NAALADL2: variants seen among roughly 807,000 people sequenced by gnomAD.
NAALADL2 encodes N-acetylated alpha-linked acidic dipeptidase like 2.
A neutral mutation model predicts 87.2 loss-of-function variants in NAALADL2; 76 were observed. That is an observed-to-expected ratio of 0.87 (90% CI 0.72 to 1.05). The LOEUF is 1.05. NAALADL2 is among the 50% of genes least tolerant of loss of function. The probability of loss-of-function intolerance (pLI) is 0.00; values close to 1 mark genes in which losing one functional copy is unlikely to be tolerated. For synonymous variants in NAALADL2, 354 were observed against 331.0 expected (o/e 1.07, Z -0.75); for missense variants, 1,089 against 945.8 (o/e 1.15, Z -1.99).
At chr3:174,686,784 A>C (rs1728084231) in intron 2 of NAALADL2, among the ~76,000 whole-genome samples, 1 of 152,118 alleles carries the variant, frequency 6.6e-6, no homozygotes, top group Admixed American at 6.6e-5. Context: ...CATGTGCCAG[A>C]ATCAACTCAA....
At chr3:174,963,623 G>T (rs2108571782) in intron 1 of NAALADL2, among the ~76,000 whole-genome samples, 2 of 152,214 alleles carry the variant, frequency 1.3e-5, no homozygotes, top group South Asian at 4.1e-4. Context: ...TTTGTTTCAT[G>T]CCTGTGTCCG....
chr3:175,763,083 C>CAAATAAATAAATAAATAAATAAATAAAT (rs34773320), intron 13 of NAALADL2, among the ~76,000 whole-genome samples: 1 of 148,720 alleles, frequency 6.7e-6, no homozygotes, highest in African/African-American at 2.5e-5. Context: ...GACTCTGACT[C>CAAATAAATAAATAAATAAATAAATAAAT]AAATAAATAA....
intron 11 of NAALADL2, among the ~76,000 whole-genome samples, chr3:175,709,471 A>T (rs1295010493): frequency 6.6e-6 from 1 of 152,134 alleles, no homozygotes; most frequent in Non-Finnish European, 1.5e-5. Context: ...TACTTTGTTT[A>T]CAAAGTATAA....
At chr3:175,283,617 A>G (rs574326713) in intron 4 of NAALADL2, among the ~76,000 whole-genome samples, 2 of 152,240 alleles carry the variant, frequency 1.3e-5, no homozygotes, top group African/African-American at 4.8e-5. Flanking sequence ...TGAATTCAAC[A>G]TAAAGTTATG....
intron 1 of NAALADL2, among the ~76,000 whole-genome samples, chr3:174,924,523 C>T (rs1277212998): frequency 1.3e-5 from 2 of 152,054 alleles, no homozygotes; most frequent in Admixed American, 1.3e-4. Context: ...AATAAACATA[C>T]ATGTGCATGT....
chr3:175,530,922 G>A (rs2149443899), intron 9 of NAALADL2, among the ~76,000 whole-genome samples: 1 of 152,248 alleles, frequency 6.6e-6, no homozygotes, highest in East Asian at 1.9e-4. Flanking sequence ...CCCAGTAACA[G>A]GCCAAGAGCT....
At chr3:174,960,587 G>A (rs1432173193) in intron 1 of NAALADL2, among the ~76,000 whole-genome samples, 1 of 151,942 alleles carries the variant, frequency 6.6e-6, no homozygotes, top group African/African-American at 2.4e-5. Context: ...TGTGTTCTCT[G>A]CTTTACCCCT....
Position 175,234,182 on chromosome 3 carries a change from A to C in NAALADL2, c.797A>C (p.Tyr266Ser), listed in dbSNP as rs1181792154. ...GACCTGCTCTATTCATATGCAGCCT[A>C]TTCTGCCAAAGGAACTCTCAAGGTA... ...SQDLLYSYAA[Y>S]SAKGTLKAEV... is the part of the protein sequence containing the mutation. The change falls in exon 3 of 14, where the codon TAT (tyrosine) becomes TCT (serine). Residue 266 changes from tyrosine (Y) to serine (S), a missense_variant. Physicochemically the swap from Tyr to Ser is moderately radical, Grantham distance 144. Coordinates refer to ENST00000454872, the MANE Select transcript of NAALADL2 (RefSeq NM_207015.3). The C allele has an allele frequency of 1.2e-6, 2 of 1,613,614 alleles. No homozygotes were observed.
chr3:175,440,265 T>G (rs1160172335), intron 5 of NAALADL2, among the ~76,000 whole-genome samples: 1 of 152,126 alleles, frequency 6.6e-6, no homozygotes, highest in African/African-American at 2.4e-5. Flanking sequence ...AATACCAGTA[T>G]CATGCTGTTT....
chr3:175,007,150 T>TAAAAAAAAAAAAAAAAA (rs397877957), intron 1 of NAALADL2, among the ~76,000 whole-genome samples: 1 of 70,350 alleles, frequency 1.4e-5, no homozygotes, highest in Non-Finnish European at 3.7e-5. Flanking sequence ...TTTTATAGGA[T>TAAAAAAAAAAAAAAAAA]AAAAAAAAAA....
chr3:175,622,822 A>G (rs1186547979), intron 10 of NAALADL2, among the ~76,000 whole-genome samples: 1 of 152,104 alleles, frequency 6.6e-6, no homozygotes, highest in Non-Finnish European at 1.5e-5. Context: ...ACCTTAAAAC[A>G]CTCAGTAAAT....
At chr3:174,868,390 T>A (rs1175394381) in intron 1 of NAALADL2, among the ~76,000 whole-genome samples, 1 of 152,122 alleles carries the variant, frequency 6.6e-6, no homozygotes, top group East Asian at 1.9e-4. Flanking sequence ...ACTGGGTAAT[T>A]GTGAAAATTA....
chr3:174,831,498 G>T (rs1722681862), intron 3 of NAALADL2, among the ~76,000 whole-genome samples: 1 of 143,540 alleles, frequency 7.0e-6, no homozygotes, highest in Non-Finnish European at 1.5e-5. Flanking sequence ...TGTGCTGCTG[G>T]ATTCGTTTTG....
chr3:175,608,937 T>C (rs1422969907), intron 10 of NAALADL2, among the ~76,000 whole-genome samples: 1 of 145,972 alleles, frequency 6.9e-6, no homozygotes, highest in Non-Finnish European at 1.5e-5. Flanking sequence ...ACCACTATTC[T>C]GAGCTATCAC....
intron 2 of NAALADL2, among the ~76,000 whole-genome samples, chr3:174,555,081 T>C (rs543192179): frequency 1.9e-3 from 283 of 152,320 alleles, no homozygotes; most frequent in African/African-American, 6.3e-3. Flanking sequence ...TTATTATTGT[T>C]GCACTGGAGA....
rs758715988 is a variant in NAALADL2, at chr3:174,882,511, ACATATGTG to A, written c.43+23067_43+23074del. Among the ~76,000 whole-genome samples, 192 of 147,434 alleles carry A rather than the reference ACATATGTG, an allele frequency of 1.3e-3. 1 individual carries two copies. Among genetic ancestry groups the A allele is most frequent in the Non-Finnish European group, 1.8e-3 (124 of 67,600 alleles). ...TGTGCATATACATATATGTGTATATACATATGTGCATATACACATATATGCATACACAC... is the reference window on the plus strand; with the variant it reads ...TGTGCATATACATATATGTGTATATACATATACACATATATGCATACACAC... On this transcript the variant is annotated intron_variant, in intron 1 of 13. Coordinates refer to ENST00000454872, the MANE Select transcript of NAALADL2 (RefSeq NM_207015.3).
chr3:174,734,945 C>T (rs1189112085), intron 2 of NAALADL2, among the ~76,000 whole-genome samples: 1 of 152,078 alleles, frequency 6.6e-6, no homozygotes, highest in Non-Finnish European at 1.5e-5. Context: ...AGGAAACTAA[C>T]TTAACAGAGG....
chr3:174,664,543 A>G lies in NAALADL2; in HGVS notation c.-114-73098A>G, dbSNP rs536454769. On this transcript the variant is annotated intron_variant, in intron 2 of 3. Transcript: ENST00000434257. Reference sequence around the variant, plus strand: ...TGTCATAAATATTTCATTCTTTGACATTGTATTAAAAATAGAGTGCTTTCT... The same window carrying G: ...TGTCATAAATATTTCATTCTTTGACGTTGTATTAAAAATAGAGTGCTTTCT... Among the ~76,000 whole-genome samples, 51 of 152,322 alleles carry G rather than the reference A, an allele frequency of 3.3e-4. 1 individual carries two copies. In the South Asian group the frequency reaches 0.011, roughly 32 times the overall value.
intron 1 of NAALADL2, among the ~76,000 whole-genome samples, chr3:174,997,058 ATTTTTTT>A (rs200338062): frequency 3.2e-5 from 4 of 125,974 alleles, no homozygotes; most frequent in African/African-American, 1.3e-4. Context: ...ATATATATAT[ATTTTTTT>A]TTTTAATCCA....
Sources: gnomAD v4.1 joint callset for allele counts (sites outside exome capture counted in the v4.1 genomes callset) on GRCh38, gnomAD v4.1.1 for gene constraint, MANE v1.5 for transcripts, NCBI Gene and HGNC (gene_info 2026-07-23, HGNC 2026-07-21) for gene names.